Variants in CACNB4 observed in about 807,000 individuals in gnomAD.
CACNB4 encodes the protein calcium voltage-gated channel auxiliary subunit beta 4.
CACNB4 carries 32 observed loss-of-function variants against 71.2 expected under a neutral mutation model. That is an observed-to-expected ratio of 0.45 (90% CI 0.34 to 0.60). CACNB4 has a LOEUF of 0.60. CACNB4 is among the 20% of genes least tolerant of loss of function. The pLI is 0.01. For missense variants in CACNB4, 464 were observed against 647.9 expected (o/e 0.72, Z 3.08); for synonymous variants, 231 against 236.9 (o/e 0.97, Z 0.23).
At chr2:151,872,148 T>C in intron 6 of CACNB4, 1 of 336,384 alleles carries the variant, frequency 3.0e-6, no homozygotes, top group Non-Finnish European at 5.5e-6. Flanking sequence ...AATGAATTTT[T>C]TGAATATCAA....
At chr2:151,969,150 T>C (rs930412285) in intron 2 of CACNB4, 14 of 152,210 alleles carry the variant, frequency 9.2e-5, no homozygotes, top group African/African-American at 3.4e-4. Flanking sequence ...AGGAGCAACA[T>C]TTGGTTTTCT....
intron 2 of CACNB4, among the ~76,000 whole-genome samples, chr2:151,945,348 T>C (rs1236684299): frequency 1.3e-5 from 2 of 152,124 alleles, no homozygotes; most frequent in African/African-American, 2.4e-5. Flanking sequence ...TGCCCAGGGG[T>C]GTCTCTATTT....
chr2:151,878,213 T>TAG (rs1263257471), intron 4 of CACNB4, among the ~76,000 whole-genome samples: 7 of 152,216 alleles, frequency 4.6e-5, no homozygotes, highest in South Asian at 4.1e-4. Flanking sequence ...TGTATATATA[T>TAG]ATATATGATT....
intron 10 of CACNB4, among the ~76,000 whole-genome samples, chr2:151,856,087 C>G (rs2099840223): frequency 6.7e-6 from 1 of 149,630 alleles, no homozygotes; most frequent in Non-Finnish European, 1.5e-5. Context: ...CCAAGTGACC[C>G]AAATCTGTGC....
intron 2 of CACNB4, among the ~76,000 whole-genome samples, chr2:152,088,148 C>CACAT (rs1461672668): frequency 1.3e-5 from 2 of 150,096 alleles, no homozygotes; most frequent in African/African-American, 4.9e-5. Context: ...TTAACACACA[C>CACAT]ACACACACAC....
intron 10 of CACNB4, among the ~76,000 whole-genome samples, chr2:151,856,138 C>T (rs1455643682): frequency 1.3e-5 from 2 of 148,222 alleles, no homozygotes; most frequent in Non-Finnish European, 3.0e-5. Context: ...TTTCAAATGT[C>T]TGAAGCAATC....
At chr2:151,888,572 T>A (rs1343683788) in intron 2 of CACNB4, among the ~76,000 whole-genome samples, 2 of 151,902 alleles carry the variant, frequency 1.3e-5, no homozygotes, top group Non-Finnish European at 2.9e-5. Flanking sequence ...CTCAAAAAAA[T>A]AAATAAATAA....
intron 2 of CACNB4, among the ~76,000 whole-genome samples, chr2:152,094,848 C>A (rs1439150998): frequency 6.6e-6 from 1 of 152,182 alleles, no homozygotes; most frequent in Non-Finnish European, 1.5e-5. Context: ...GAAGGGCTCT[C>A]CTGAAAGAAA....
intron 2 of CACNB4, chr2:151,971,554 T>C (rs1181228031): frequency 1.4e-6 from 1 of 702,888 alleles, no homozygotes; most frequent in Non-Finnish European, 2.6e-6. Flanking sequence ...CAGCCATAAA[T>C]GCATTGGCAC....
chr2:151,860,648 G>A (rs1284796900), intron 10 of CACNB4, 63 bp downstream of exon 10: 234 of 1,064,506 alleles, frequency 2.2e-4, no homozygotes, highest in Non-Finnish European at 3.2e-5. Flanking sequence ...ATTCACAAAT[G>A]CACCATGTGT....
chr2:151,914,373 C>T (rs1160522276), intron 2 of CACNB4, among the ~76,000 whole-genome samples: 1 of 152,014 alleles, frequency 6.6e-6, no homozygotes, highest in Non-Finnish European at 1.5e-5. Context: ...TTCCTCTTAC[C>T]TTTTATCAAG....
At chr2:152,092,617 C>CT (rs1458250456) in intron 2 of CACNB4, among the ~76,000 whole-genome samples, 4 of 151,666 alleles carry the variant, frequency 2.6e-5, no homozygotes, top group Admixed American at 2.0e-4. Flanking sequence ...CTGTAACTTA[C>CT]TTTTTTCACT....
chr2:151,996,056 A>T lies in CACNB4; in HGVS notation c.147+102274T>A, dbSNP rs979506567. ...CTGTTTGTTGTTATTTTTCCTATAT[A>T]AGTCTACAAACACCAGCACCAGACA... On this transcript the variant is annotated intron_variant, in intron 2 of 13. Transcript: ENST00000539935. 2.0e-5 allele frequency among the ~76,000 whole-genome samples: 3 copies of T among 152,332 alleles called. No homozygotes were observed. In the East Asian group the frequency reaches 5.8e-4, roughly 29 times the overall value.
chr2:151,971,380 C>T (rs760104661), intron 2 of CACNB4: 55 of 629,122 alleles, frequency 8.7e-5, no homozygotes, highest in Non-Finnish European at 1.3e-4. Flanking sequence ...AGGACATATG[C>T]GGATGGTTCC....
chr2:151,916,859 T>C (rs984034604), intron 2 of CACNB4, among the ~76,000 whole-genome samples: 2 of 152,166 alleles, frequency 1.3e-5, no homozygotes, highest in Non-Finnish European at 2.9e-5. Context: ...GGTACTGACA[T>C]CTGGTGGGCA....
At position 152,023,638 on chromosome 2, in the gene CACNB4, T is replaced by C. The variant is rs150412373; in HGVS notation, c.147+74692A>G. ...TAAGTAGAGACAGGGTATCACCATG[T>C]TGGCCAGGCTGGTCTCCAACTCCTC... On this transcript the variant is annotated intron_variant, in intron 2 of 13. Coordinates refer to ENST00000539935, the MANE Select transcript of CACNB4 (RefSeq NM_000726.5). Among the ~76,000 whole-genome samples the C allele has an allele frequency of 4.3e-4, 66 of 152,190 alleles. 1 individual carries two copies. The East Asian group carries it at 9.3e-3, about 21-fold the overall frequency.
In CACNB4 at chr2:151,870,628, G is replaced by A. The variant is rs746707826; in HGVS notation, c.619-17C>T. The A allele has an allele frequency of 1.7e-5, 27 of 1,598,866 alleles. No homozygotes were observed. Among genetic ancestry groups the A allele is most frequent in the South Asian group, 2.2e-5 (2 of 90,014 alleles). The stretch of plus-strand genomic sequence containing the variant: ...GTGCTCCGTCTGAAAAAGATGATTC[G>A]ACACGCGTGACAAGGTGAGGTTGAG... On this transcript the variant is annotated splice_polypyrimidine_tract_variant and intron_variant, in intron 7 of 13. Coordinates refer to ENST00000539935, the MANE Select transcript of CACNB4 (RefSeq NM_000726.5).
chr2:151,926,956 A>G (rs1359858355), intron 2 of CACNB4, among the ~76,000 whole-genome samples: 1 of 152,240 alleles, frequency 6.6e-6, no homozygotes, highest in East Asian at 1.9e-4. Flanking sequence ...ATGCTACCGT[A>G]TCACAACAGT....
At chr2:152,081,943 A>C (rs922319133) in intron 2 of CACNB4, among the ~76,000 whole-genome samples, 1 of 152,202 alleles carries the variant, frequency 6.6e-6, no homozygotes, top group Admixed American at 6.5e-5. Flanking sequence ...GATGAGAATC[A>C]ACCTTGTGGT....
Sources: gnomAD v4.1 joint callset for allele counts (sites outside exome capture counted in the v4.1 genomes callset) on GRCh38, gnomAD v4.1.1 for gene constraint, MANE v1.5 for transcripts, NCBI Gene and HGNC (gene_info 2026-07-23, HGNC 2026-07-21) for gene names.